KIAA0825: variants seen among roughly 807,000 people sequenced by gnomAD.
KIAA0825 encodes uncharacterized protein KIAA0825.
A neutral mutation model predicts 147.6 loss-of-function variants in KIAA0825; 119 were observed. The observed-to-expected ratio is 0.81, with a 90% CI of 0.69 to 0.94. The LOEUF is 0.94. Ranked by LOEUF, KIAA0825 falls within the 40% of genes least tolerant of loss-of-function variation. The pLI is 0.00. For missense variants in KIAA0825, 1,381 were observed against 1,472.7 expected, an observed-to-expected ratio of 0.94 and a Z score of 1.02; for synonymous variants, 470 against 518.1, an observed-to-expected ratio of 0.91 and a Z score of 1.26.
intron 2 of KIAA0825, among the ~76,000 whole-genome samples, chr5:94,577,664 T>G (rs1781329551): frequency 1.3e-5 from 2 of 152,198 alleles, no homozygotes; most frequent in African/African-American, 2.4e-5. Flanking sequence ...CACACATAGG[T>G]ATATTTCTGA....
chr5:94,296,222 A>G lies in KIAA0825; in HGVS notation c.3710+88146T>C, dbSNP rs561151851. Among the ~76,000 whole-genome samples, 7 of 152,094 alleles carry G rather than the reference A, an allele frequency of 4.6e-5. No individual in the cohort carries two copies. The South Asian group carries it at 1.5e-3, about 32-fold the overall frequency. On this transcript the variant is annotated intron_variant, in intron 20 of 20. Coordinates refer to ENST00000682413, the MANE Select transcript of KIAA0825 (RefSeq NM_001145678.3). ...TTACACTGTGAGGGGAAAACTGCCTACTCAAACCTCAGTAATGGCTGACAC... is the reference window on the plus strand; with the variant it reads ...TTACACTGTGAGGGGAAAACTGCCTGCTCAAACCTCAGTAATGGCTGACAC...
intron 20 of KIAA0825, among the ~76,000 whole-genome samples, chr5:94,381,355 C>T (rs1401198585): frequency 6.6e-6 from 1 of 152,110 alleles, no homozygotes; most frequent in Non-Finnish European, 1.5e-5. Flanking sequence ...TTCAGTCAAC[C>T]TCAGATAGAA....
intron 20 of KIAA0825, among the ~76,000 whole-genome samples, chr5:94,380,587 A>T: frequency 6.6e-6 from 1 of 152,230 alleles, no homozygotes; most frequent in Non-Finnish European, 1.5e-5. Context: ...GTTGGCAATA[A>T]CTCAAGAAAA....
At chr5:94,379,682 G>A (rs1397963599) in intron 20 of KIAA0825, among the ~76,000 whole-genome samples, 1 of 151,834 alleles carries the variant, frequency 6.6e-6, no homozygotes, top group Admixed American at 6.6e-5. Flanking sequence ...ATTACTTTGG[G>A]CAGTATGGCC....
At chr5:94,209,443 AG>A (rs1273846961) in intron 20 of KIAA0825, among the ~76,000 whole-genome samples, 1 of 152,184 alleles carries the variant, frequency 6.6e-6, no homozygotes, top group Non-Finnish European at 1.5e-5. Flanking sequence ...TTTGCACATC[AG>A]TAGGTCCGGT....
intron 20 of KIAA0825, among the ~76,000 whole-genome samples, chr5:94,291,328 T>C (rs1447203710): frequency 1.3e-5 from 2 of 152,230 alleles, no homozygotes. Context: ...GTTTTCTGCA[T>C]ATGGCTAGCC....
At chr5:94,199,456 A>G (rs148841793) in intron 20 of KIAA0825, among the ~76,000 whole-genome samples, 250 of 152,254 alleles carry the variant, frequency 1.6e-3, no homozygotes, top group Non-Finnish European at 1.8e-3. Flanking sequence ...AAACACCCCA[A>G]TGAGGACTGC....
intron 15 of KIAA0825, among the ~76,000 whole-genome samples, chr5:94,405,754 TAGCCAGTTCA>T (rs893506986): frequency 3.9e-5 from 6 of 152,040 alleles, no homozygotes; most frequent in Non-Finnish European, 7.4e-5. Flanking sequence ...ATTCTCTAGT[TAGCCAGTTCA>T]AGCAGTGGTA....
intron 13 of KIAA0825, among the ~76,000 whole-genome samples, chr5:94,444,535 A>C (rs927473679): frequency 6.6e-6 from 1 of 152,006 alleles, no homozygotes; most frequent in Admixed American, 6.6e-5. Flanking sequence ...CCAGGAGTTC[A>C]GGTTACTTCA....
At chr5:94,385,980 T>C (rs1001551176) in intron 19 of KIAA0825, among the ~76,000 whole-genome samples, 5 of 152,178 alleles carry the variant, frequency 3.3e-5, no homozygotes, top group African/African-American at 1.2e-4. Flanking sequence ...AGACACAGCC[T>C]AACAGATGTT....
At chr5:94,349,651 C>G (rs889283680) in intron 20 of KIAA0825, among the ~76,000 whole-genome samples, 3 of 152,142 alleles carry the variant, frequency 2.0e-5, no homozygotes, top group Non-Finnish European at 4.4e-5. Context: ...CATGCAAATA[C>G]ACGGAAATTA....
chr5:94,490,613 C>T (rs939503065), intron 5 of KIAA0825, among the ~76,000 whole-genome samples: 6 of 151,740 alleles, frequency 4.0e-5, no homozygotes, highest in Non-Finnish European at 5.9e-5. Flanking sequence ...ATAAAAGGTG[C>T]GCACAGATAT....
intron 20 of KIAA0825, among the ~76,000 whole-genome samples, chr5:94,243,111 T>C (rs1775436753): frequency 6.6e-6 from 1 of 152,220 alleles, no homozygotes; most frequent in African/African-American, 2.4e-5. Context: ...ACCTGAGATA[T>C]TATCACCCCA....
chr5:94,616,602 A>G (rs1561402648), intron 1 of KIAA0825, among the ~76,000 whole-genome samples: 1 of 152,190 alleles, frequency 6.6e-6, no homozygotes, highest in African/African-American at 2.4e-5. Context: ...GTCTAAAGAG[A>G]TAGTTAGCTG....
At chr5:94,213,004 ATC>A (rs1328003863) in intron 20 of KIAA0825, among the ~76,000 whole-genome samples, 1 of 152,208 alleles carries the variant, frequency 6.6e-6, no homozygotes, top group Non-Finnish European at 1.5e-5. Context: ...TATGTACATT[ATC>A]TCATTTAATT....
At chr5:94,199,958 C>G (rs185004515) in intron 20 of KIAA0825, among the ~76,000 whole-genome samples, 11 of 152,264 alleles carry the variant, frequency 7.2e-5, no homozygotes, top group Admixed American at 1.3e-4. Flanking sequence ...GACTGGCAGA[C>G]AGAGGGTCAT....
At position 94,361,387 on chromosome 5, in the gene KIAA0825, T is replaced by A. The variant is rs1584252745; in HGVS notation, c.3710+22981A>T. Among the ~76,000 whole-genome samples the A allele has an allele frequency of 5.9e-5, 9 of 152,272 alleles. No individual in the cohort carries two copies. The South Asian group carries it at 1.7e-3, about 28-fold the overall frequency. ...TGCCTCCAGGGAGATAAATTGCACATTTCAAAGTATGGCAACATTCCATTA... is the reference window on the plus strand; with the variant it reads ...TGCCTCCAGGGAGATAAATTGCACAATTCAAAGTATGGCAACATTCCATTA... On this transcript the variant is annotated intron_variant, in intron 20 of 20. Transcript: ENST00000682413.
chr5:94,358,150 G>T (rs1283444289), intron 20 of KIAA0825, among the ~76,000 whole-genome samples: 1 of 152,094 alleles, frequency 6.6e-6, no homozygotes, highest in South Asian at 2.1e-4. Context: ...CAAATTCCTC[G>T]CCTTCAGTTG....
chr5:94,251,062 A>G (rs941660261), intron 20 of KIAA0825, among the ~76,000 whole-genome samples: 2 of 152,048 alleles, frequency 1.3e-5, no homozygotes, highest in Admixed American at 1.3e-4. Context: ...GGACGAACCA[A>G]TTAGACATCT....
Sources: allele counts gnomAD v4.1 joint callset (sites outside exome capture counted in the v4.1 genomes callset), GRCh38; gene constraint gnomAD v4.1.1; transcripts MANE v1.5; gene names NCBI Gene and HGNC (gene_info 2026-07-23, HGNC 2026-07-21).